Variants in AGO3 observed in about 807,000 individuals in gnomAD.
AGO3 encodes protein argonaute-3.
Under a neutral mutation model 105.5 loss-of-function variants are expected in AGO3, and 16 were observed. That is an observed-to-expected ratio of 0.15 (90% CI 0.10 to 0.23). The LOEUF is 0.23. Ranked by LOEUF, AGO3 falls within the 10% of genes least tolerant of loss-of-function variation. The pLI, the probability that AGO3 is intolerant of heterozygous loss-of-function variation, is 1.00. For synonymous variants in AGO3, 340 were observed against 367.3 expected, an observed-to-expected ratio of 0.93 and a Z score of 0.85; for missense variants, 534 against 1,088.0, an observed-to-expected ratio of 0.49 and a Z score of 7.16.
intron 8 of AGO3, 42 bp downstream of exon 8, chr1:36,009,086 A>ATTTTTTTTTTTTTTTTT (rs1569754670): frequency 6.8e-7 from 1 of 1,481,364 alleles, no homozygotes; most frequent in East Asian, 4.0e-5. Flanking sequence ...GTTGTTCATG[A>ATTTTTTTTTTTTTTTTT]TTCTTTTGGG....
At chr1:35,958,185 A>G (rs1557651412) in intron 2 of AGO3, among the ~76,000 whole-genome samples, 2 of 152,222 alleles carry the variant, frequency 1.3e-5, no homozygotes, top group East Asian at 3.9e-4. Flanking sequence ...GTTCGAGATC[A>G]GCCTGGCCAA....
At chr1:35,986,995 CA>C (rs56230663) in intron 5 of AGO3, among the ~76,000 whole-genome samples, 169 of 114,872 alleles carry the variant, frequency 1.5e-3, no homozygotes, top group Middle Eastern at 9.2e-3. Flanking sequence ...GACTCCGTCT[CA>C]AAAAAAAAAA....
At position 36,021,914 on chromosome 1, in the gene AGO3, G is replaced by A. The variant is rs144785858; in HGVS notation, c.1407-5200G>A. ...TTTTTGTGCAGTTTACTCAAAAGGT[G>A]AACAAAAATATTTTGCTGTTACTGA... On this transcript the variant is annotated intron_variant, in intron 11 of 18. Transcript: ENST00000373191. Among the ~76,000 whole-genome samples the A allele has an allele frequency of 4.3e-3, 655 of 151,840 alleles. 7 individuals carry two copies. The highest frequency in any genetic ancestry group is 0.015 in the African/African-American group (616 of 41,424).
chr1:35,959,531 C>T (rs1022089509), intron 2 of AGO3, among the ~76,000 whole-genome samples: 1 of 152,124 alleles, frequency 6.6e-6, no homozygotes, highest in Admixed American at 6.5e-5. Flanking sequence ...AAATTACTTT[C>T]CCAAGCACTG....
chr1:35,967,179 A>G, intron 3 of AGO3, 104 bp downstream of exon 3: 2 of 1,340,578 alleles, frequency 1.5e-6, no homozygotes, highest in Non-Finnish European at 2.0e-6. Flanking sequence ...GTGAATATTT[A>G]TCACTGATTG....
At position 36,016,976 on chromosome 1, in the gene AGO3, C is replaced by A. The variant is rs186163848; in HGVS notation, c.1406+2928C>A. On this transcript the variant is annotated intron_variant, in intron 11 of 18. Coordinates refer to ENST00000373191, the MANE Select transcript of AGO3 (RefSeq NM_024852.4). ...TTCCTCCCTTTTGGTTAGGTCCTCA[C>A]TTAGGTAAGAGTGTGACCAAAACTT... Among the ~76,000 whole-genome samples the A allele has an allele frequency of 5.9e-5, 9 of 152,268 alleles. No individual in the cohort carries two copies. The East Asian group carries it at 1.7e-3, about 29-fold the overall frequency.
chr1:35,949,813 G>A (rs765879854), intron 2 of AGO3, among the ~76,000 whole-genome samples: 2 of 152,096 alleles, frequency 1.3e-5, no homozygotes, highest in African/African-American at 2.4e-5. Context: ...TGCAGGAGAC[G>A]AGTTCTCCCT....
chr1:36,020,101 A>C (rs1023203876), intron 11 of AGO3, among the ~76,000 whole-genome samples: 1 of 152,194 alleles, frequency 6.6e-6, no homozygotes, highest in Non-Finnish European at 1.5e-5. Context: ...TTCCTTGATG[A>C]ATCATGGAAT....
At chr1:36,012,208 C>A (rs948072706) in intron 9 of AGO3, among the ~76,000 whole-genome samples, 1 of 151,764 alleles carries the variant, frequency 6.6e-6, no homozygotes, top group Non-Finnish European at 1.5e-5. Flanking sequence ...GTGGCATGCA[C>A]CTATAGTCCC....
chr1:35,938,541 T>A (rs1344834637), intron 1 of AGO3, among the ~76,000 whole-genome samples: 1 of 152,180 alleles, frequency 6.6e-6, no homozygotes, highest in Non-Finnish European at 1.5e-5. Flanking sequence ...ATTACTTACA[T>A]CTATATAATA....
intron 17 of AGO3, among the ~76,000 whole-genome samples, chr1:36,054,382 CCTGCCT>C (rs1642844349): frequency 6.6e-6 from 1 of 152,010 alleles, no homozygotes; most frequent in South Asian, 2.1e-4. Flanking sequence ...AAGTGATCTG[CCTGCCT>C]CAGCCTCCCA....
chr1:35,933,479 A>C (rs910946577), intron 1 of AGO3, among the ~76,000 whole-genome samples: 3 of 151,752 alleles, frequency 2.0e-5, no homozygotes, highest in Non-Finnish European at 4.4e-5. Flanking sequence ...CTGCCTCTAC[A>C]AAAAACAGAA....
intron 11 of AGO3, among the ~76,000 whole-genome samples, chr1:36,019,161 T>C (rs1641077821): frequency 6.6e-6 from 1 of 152,176 alleles, no homozygotes; most frequent in Non-Finnish European, 1.5e-5. Context: ...CAGTGGTCCA[T>C]GAAAAGCTTT....
intron 17 of AGO3, among the ~76,000 whole-genome samples, chr1:36,048,072 A>C (rs186685979): frequency 9.2e-5 from 14 of 152,294 alleles, no homozygotes; most frequent in Admixed American, 3.3e-4. Context: ...AGTCACTTAG[A>C]ATCTTCATTA....
At chr1:35,940,631 T>A (rs1646237006) in intron 1 of AGO3, among the ~76,000 whole-genome samples, 1 of 152,202 alleles carries the variant, frequency 6.6e-6, no homozygotes, top group Middle Eastern at 3.2e-3. Flanking sequence ...CTTTTTGAAC[T>A]TACTACAGTT....
chr1:36,042,659 G>A (rs563312841), intron 16 of AGO3, among the ~76,000 whole-genome samples: 2 of 152,228 alleles, frequency 1.3e-5, no homozygotes, highest in South Asian at 4.2e-4. Context: ...AAATGTGTTG[G>A]GATAAGGCGG....
At chr1:36,017,592 G>T (rs1402306913) in intron 11 of AGO3, among the ~76,000 whole-genome samples, 1 of 152,004 alleles carries the variant, frequency 6.6e-6, no homozygotes, top group African/African-American at 2.4e-5. Flanking sequence ...TCTAATCATT[G>T]CCTCATTACA....
At chr1:36,036,436 G>A (rs971391331) in intron 14 of AGO3, among the ~76,000 whole-genome samples, 169 bp downstream of exon 14, 1 of 152,172 alleles carries the variant, frequency 6.6e-6, no homozygotes, top group Non-Finnish European at 1.5e-5. Context: ...AGTTCCATAT[G>A]TATCTATTAA....
At chr1:36,010,615 A>C (rs1000737803) in intron 9 of AGO3, among the ~76,000 whole-genome samples, 8 of 151,080 alleles carry the variant, frequency 5.3e-5, no homozygotes, top group African/African-American at 2.0e-4. Context: ...AAAAAAAAAA[A>C]AGAAAAAGAA....
Sources: allele counts gnomAD v4.1 joint callset (sites outside exome capture counted in the v4.1 genomes callset), GRCh38; gene constraint gnomAD v4.1.1; transcripts MANE v1.5; gene names NCBI Gene and HGNC (gene_info 2026-07-23, HGNC 2026-07-21).